EAPP: variants seen among roughly 807,000 people sequenced by gnomAD.
EAPP encodes E2F-associated phosphoprotein.
A neutral mutation model predicts 34.3 loss-of-function variants in EAPP; 38 were observed. That is an observed-to-expected ratio of 1.11 (90% CI 0.85 to 1.45). The LOEUF is 1.45. Ranked by LOEUF, EAPP falls within the 40% of genes most tolerant of loss-of-function variation. The probability of loss-of-function intolerance (pLI) is 0.00; values close to 1 mark genes in which losing one functional copy is unlikely to be tolerated. For synonymous variants in EAPP, 113 were observed against 117.6 expected (o/e 0.96, Z 0.25); for missense variants, 338 against 343.7 (o/e 0.98, Z 0.13).
intron 3 of EAPP, among the ~76,000 whole-genome samples, chr14:34,531,193 T>G (rs1880277234): frequency 6.6e-6 from 1 of 152,064 alleles, no homozygotes; most frequent in Non-Finnish European, 1.5e-5. Flanking sequence ...TAGTCCCAAC[T>G]ACCAGGAAGG....
At position 34,517,190 on chromosome 14, in the gene EAPP, G is replaced by A. The variant is rs184171829; in HGVS notation, c.582-604C>T. ...TCTGACCTTGTGATCTGCCCGCCTC[G>A]GCCTCCCAAAGTGCTGGGATTTCAG... On this transcript the variant is annotated intron_variant, in intron 5 of 5. Transcript: ENST00000250454. 9.9e-3 allele frequency among the ~76,000 whole-genome samples: 1,499 copies of A among 151,396 alleles called. 12 individuals are homozygous for A. Among genetic ancestry groups the A allele is most frequent in the Non-Finnish European group, 0.012 (799 of 67,938 alleles).
At chr14:34,516,954 T>TC (rs1354334115) in intron 5 of EAPP, among the ~76,000 whole-genome samples, 1 of 151,342 alleles carries the variant, frequency 6.6e-6, no homozygotes, top group Non-Finnish European at 1.5e-5. Flanking sequence ...TTTTTTTTTT[T>TC]TGAGATGGAG....
chr14:34,536,030 C>T (rs1880459220), intron 2 of EAPP, 64 bp downstream of exon 2: 2 of 1,216,828 alleles, frequency 1.6e-6, no homozygotes, highest in Non-Finnish European at 2.3e-6. Context: ...TAGAAGAGCA[C>T]AAATAAGGTT....
chr14:34,537,545 C>A (rs1002639625), intron 1 of EAPP, among the ~76,000 whole-genome samples: 4 of 152,206 alleles, frequency 2.6e-5, no homozygotes, highest in African/African-American at 9.6e-5. Context: ...GACCACTGTT[C>A]ACTCCAGCCA....
At chr14:34,521,373 T>C (rs1278579351) in intron 5 of EAPP, among the ~76,000 whole-genome samples, 1 of 152,120 alleles carries the variant, frequency 6.6e-6, no homozygotes, top group Non-Finnish European at 1.5e-5. Context: ...CCCCAGCTAC[T>C]GCTATTAATT....
chr14:34,522,702 G>A (rs76932299), intron 5 of EAPP, among the ~76,000 whole-genome samples: 20 of 152,256 alleles, frequency 1.3e-4, no homozygotes, highest in African/African-American at 3.1e-4. Flanking sequence ...AACACTGAGC[G>A]TGCTGCCTGT....
At chr14:34,518,654 A>G (rs1187893411) in intron 5 of EAPP, among the ~76,000 whole-genome samples, 2 of 152,108 alleles carry the variant, frequency 1.3e-5, no homozygotes, top group Non-Finnish European at 2.9e-5. Context: ...TAATGTTTAT[A>G]TACCTGGGAG....
chr14:34,536,857 G>A (rs1040639132), intron 1 of EAPP, among the ~76,000 whole-genome samples: 1 of 151,764 alleles, frequency 6.6e-6, no homozygotes, highest in African/African-American at 2.4e-5. Flanking sequence ...GGGATTACAG[G>A]ATTCAGAATC....
chr14:34,527,847 T>C (rs1880145464), intron 4 of EAPP, among the ~76,000 whole-genome samples: 1 of 152,102 alleles, frequency 6.6e-6, no homozygotes, highest in South Asian at 2.1e-4. Flanking sequence ...GCGTTTCCTT[T>C]TGGGATGATG....
intron 4 of EAPP, among the ~76,000 whole-genome samples, chr14:34,528,780 T>G (rs916105372): frequency 4.6e-5 from 7 of 151,264 alleles, no homozygotes; most frequent in African/African-American, 1.7e-4. Context: ...AAAAAGTCAG[T>G]TTTTCTTGAG....
intron 4 of EAPP, among the ~76,000 whole-genome samples, chr14:34,525,399 G>A (rs902516371): frequency 2.0e-5 from 3 of 152,152 alleles, no homozygotes; most frequent in African/African-American, 7.2e-5. Context: ...CAGGTTGGTA[G>A]TATGTACTCT....
At chr14:34,535,916 C>A in intron 2 of EAPP, 178 bp downstream of exon 2, 3 of 521,874 alleles carry the variant, frequency 5.7e-6, no homozygotes, top group Non-Finnish European at 9.8e-6. Context: ...AAATAAATAA[C>A]TTTTTTAAAT....
intron 5 of EAPP, among the ~76,000 whole-genome samples, chr14:34,520,653 C>T (rs530345174): frequency 2.6e-5 from 4 of 152,200 alleles, no homozygotes; most frequent in Non-Finnish European, 4.4e-5. Context: ...AGGCAAATGC[C>T]ACCATGCTCA....
At position 34,533,798 on chromosome 14, in the gene EAPP, C is replaced by T. The variant is rs187181716; in HGVS notation, c.257-259G>A. ...CCACAAATCTCATTAAATAAAATAG[C>T]GATATTTTCAGGTTGCCAGCACACA... On this transcript the variant is annotated intron_variant, in intron 2 of 5. Transcript: ENST00000250454. 7.2e-5 allele frequency among the ~76,000 whole-genome samples: 11 copies of T among 152,164 alleles called. No individual in the cohort carries two copies. The South Asian group carries it at 8.3e-4, about 11-fold the overall frequency.
chr14:34,532,489 T>C (rs1880328824), intron 3 of EAPP, among the ~76,000 whole-genome samples: 1 of 151,250 alleles, frequency 6.6e-6, no homozygotes, highest in Non-Finnish European at 1.5e-5. Flanking sequence ...TGCAGGAGGA[T>C]TAAAACATAG....
intron 3 of EAPP, among the ~76,000 whole-genome samples, chr14:34,530,166 C>T (rs1174651334): frequency 1.3e-5 from 2 of 151,924 alleles, no homozygotes; most frequent in African/African-American, 4.8e-5. Flanking sequence ...CGCCATTGCA[C>T]TCCAGCCTGG....
chr14:34,536,095 AGTTCCCAG>A lies in EAPP; in HGVS notation c.247_254del (p.Leu83TrpfsTer19), dbSNP rs1401959473. ...TATAAAATTGAACCAAAAGTTTACC[AGTTCCCAG>A]AGAGGATAACTTGTCCTCCATTGTT... On this transcript the variant is annotated frameshift_variant and splice_region_variant, in exon 2 of 6. Transcript: ENST00000250454. LOFTEE classifies it high-confidence loss of function. 1 of 1,602,676 alleles carries A rather than the reference AGTTCCCAG, an allele frequency of 6.2e-7. No homozygotes were observed. Among genetic ancestry groups the A allele is most frequent in the Non-Finnish European group, 8.5e-7 (1 of 1,176,936 alleles).
At chr14:34,539,369 G>C (rs1880582732) in intron 1 of EAPP, 186 bp downstream of exon 1, 4 of 713,524 alleles carry the variant, frequency 5.6e-6, no homozygotes, top group Admixed American at 2.0e-5. Context: ...AGGCGACATC[G>C]GCACCGCCTC....
chr14:34,528,092 AGTACAGTG>A (rs1239196708), intron 4 of EAPP, among the ~76,000 whole-genome samples: 1 of 143,636 alleles, frequency 7.0e-6, no homozygotes, highest in Non-Finnish European at 1.5e-5. Flanking sequence ...ACCAGGCTGG[AGTACAGTG>A]GTACAATATC....
Sources: allele counts gnomAD v4.1 joint callset (sites outside exome capture counted in the v4.1 genomes callset), GRCh38; gene constraint gnomAD v4.1.1; transcripts MANE v1.5; gene names NCBI Gene and HGNC (gene_info 2026-07-23, HGNC 2026-07-21).